PSMD14: variants seen among roughly 807,000 people sequenced by gnomAD.
PSMD14 encodes the protein ubiquitin C-terminal hydrolase PSMD14.
PSMD14 carries 7 observed loss-of-function variants against 41.2 expected under a neutral mutation model. The ratio of observed to expected loss-of-function variants is 0.17; its 90% CI spans 0.10 to 0.32. The LOEUF (loss-of-function observed/expected upper bound fraction) is 0.32. Among genes scored for constraint, PSMD14 ranks in the 10% least tolerant of loss-of-function variants. PSMD14 has a pLI of 1.00. For synonymous variants in PSMD14, 114 were observed against 122.3 expected (o/e 0.93, Z 0.45); for missense variants, 139 against 375.6 (o/e 0.37, Z 5.21).
chr2:161,385,432 A>C (rs1052863524), intron 7 of PSMD14, 32 bp from the exon 8 acceptor site: 1 of 1,447,388 alleles, frequency 6.9e-7, no homozygotes, highest in East Asian at 2.3e-5. Flanking sequence ...TGCTTTTTAA[A>C]AAAAAATTGA....
rs144789766 is a variant in PSMD14, at chr2:161,373,968, A to G, written c.462+2646A>G. On this transcript the variant is annotated intron_variant, in intron 7 of 11. Coordinates refer to ENST00000409682, the MANE Select transcript of PSMD14 (RefSeq NM_005805.6). ...AATCCTAAAGATAGGCCCTGTTACC[A>G]TTACATGTTATTAGTGGTTAAAAAA... 2.5e-3 allele frequency among the ~76,000 whole-genome samples: 383 copies of G among 151,918 alleles called. 6 individuals carry two copies. The highest frequency in any genetic ancestry group is 8.8e-3 in the African/African-American group (364 of 41,502).
At chr2:161,385,239 G>T in intron 7 of PSMD14, 1 of 325,230 alleles carries the variant, frequency 3.1e-6, no homozygotes, top group Admixed American at 4.8e-5. Flanking sequence ...TTTCTTTACT[G>T]CTTCATGAAA....
At chr2:161,358,602 C>T (rs1240909374) in intron 3 of PSMD14, among the ~76,000 whole-genome samples, 1 of 152,190 alleles carries the variant, frequency 6.6e-6, no homozygotes, top group Admixed American at 6.5e-5. Context: ...TACATTTCCC[C>T]TCACTGAAAC....
At chr2:161,358,782 A>G (rs1320707245) in intron 3 of PSMD14, among the ~76,000 whole-genome samples, 2 of 152,148 alleles carry the variant, frequency 1.3e-5, no homozygotes, top group African/African-American at 4.8e-5. Context: ...GTCTCCACCA[A>G]AGATACCAAA....
chr2:161,361,916 A>G (rs1375697164), intron 3 of PSMD14, among the ~76,000 whole-genome samples: 1 of 152,084 alleles, frequency 6.6e-6, no homozygotes, highest in Non-Finnish European at 1.5e-5. Context: ...ATCCATTTAT[A>G]TGTTTTCATA....
At chr2:161,372,707 A>G (rs1418677695) in intron 7 of PSMD14, among the ~76,000 whole-genome samples, 3 of 152,024 alleles carry the variant, frequency 2.0e-5, no homozygotes, top group African/African-American at 7.2e-5. Flanking sequence ...TATTAGCTTT[A>G]TGAATTATAT....
chr2:161,399,359 T>C (rs1416462374), intron 10 of PSMD14, among the ~76,000 whole-genome samples: 1 of 152,172 alleles, frequency 6.6e-6, no homozygotes, highest in Admixed American at 6.5e-5. Flanking sequence ...CGAGTCAGAA[T>C]GGAAGAAAAT....
At chr2:161,321,801 G>A (rs1227008869) in intron 3 of PSMD14, among the ~76,000 whole-genome samples, 1 of 152,214 alleles carries the variant, frequency 6.6e-6, no homozygotes, top group East Asian at 1.9e-4. Flanking sequence ...GGGTCTGGGA[G>A]GAGATGCAGA....
chr2:161,407,610 C>A (rs1683964663), intron 10 of PSMD14: 1 of 152,034 alleles, frequency 6.6e-6, no homozygotes, highest in Non-Finnish European at 1.5e-5. Flanking sequence ...GCCAAACTTC[C>A]CAGTTTATGG....
At chr2:161,350,617 C>A (rs1171194846) in intron 3 of PSMD14, among the ~76,000 whole-genome samples, 1 of 152,102 alleles carries the variant, frequency 6.6e-6, no homozygotes, top group Non-Finnish European at 1.5e-5. Context: ...ATCAAAGTAG[C>A]AGGAAGGAGA....
At chr2:161,323,752 G>C (rs1019990066) in intron 3 of PSMD14, among the ~76,000 whole-genome samples, 15 of 152,092 alleles carry the variant, frequency 9.9e-5, no homozygotes, top group Admixed American at 3.3e-4. Flanking sequence ...CTTACCAGTA[G>C]TTTGAAGCAG....
chr2:161,386,196 T>C (rs1296277942), intron 8 of PSMD14, among the ~76,000 whole-genome samples: 1 of 151,868 alleles, frequency 6.6e-6, no homozygotes, highest in Admixed American at 6.6e-5. Flanking sequence ...GCCATGGTGT[T>C]TTTATACAAA....
At chr2:161,319,813 A>G (rs1315638718) in intron 3 of PSMD14, among the ~76,000 whole-genome samples, 3 of 152,188 alleles carry the variant, frequency 2.0e-5, no homozygotes, top group African/African-American at 4.8e-5. Flanking sequence ...AAGAACTTTC[A>G]TAAGAACTGT....
At chr2:161,378,804 T>C (rs746788316) in intron 7 of PSMD14, among the ~76,000 whole-genome samples, 21 of 152,004 alleles carry the variant, frequency 1.4e-4, no homozygotes, top group Non-Finnish European at 2.9e-4. Flanking sequence ...CATCCATAAA[T>C]TGATAATATT....
intron 7 of PSMD14, among the ~76,000 whole-genome samples, chr2:161,377,374 T>C (rs1683517764): frequency 6.6e-6 from 1 of 151,910 alleles, no homozygotes; most frequent in Non-Finnish European, 1.5e-5. Flanking sequence ...GTATTATCTT[T>C]TGTTTGCTTC....
chr2:161,369,482 A>G (rs1291149947), intron 5 of PSMD14, among the ~76,000 whole-genome samples: 1 of 152,076 alleles, frequency 6.6e-6, no homozygotes, highest in Admixed American at 6.6e-5. Context: ...TTGGAATTCA[A>G]TATGCATACT....
chr2:161,338,341 G>GTT (rs34156868), intron 3 of PSMD14, among the ~76,000 whole-genome samples: 1 of 133,046 alleles, frequency 7.5e-6, no homozygotes, highest in African/African-American at 2.8e-5. Context: ...GGTTAGGAGA[G>GTT]TTTTTTTTTT....
intron 10 of PSMD14, among the ~76,000 whole-genome samples, chr2:161,404,358 G>A (rs1339737508): frequency 6.6e-6 from 1 of 152,058 alleles, no homozygotes; most frequent in Non-Finnish European, 1.5e-5. Context: ...TGCTATACTT[G>A]TATTTTTCTA....
chr2:161,384,533 C>G (rs1006633308), intron 7 of PSMD14: 1 of 34,770 alleles, frequency 2.9e-5, no homozygotes, highest in Non-Finnish European at 5.2e-5. Context: ...CTTTTAAAGG[C>G]AAAATATAGA....
Sources: allele counts gnomAD v4.1 joint callset (sites outside exome capture counted in the v4.1 genomes callset), GRCh38; gene constraint gnomAD v4.1.1; transcripts MANE v1.5; gene names NCBI Gene and HGNC (gene_info 2026-07-23, HGNC 2026-07-21).